UNC13A: variants seen among roughly 807,000 people sequenced by gnomAD.
UNC13A encodes the protein protein unc-13 homolog A.
Under a neutral mutation model 219.7 loss-of-function variants are expected in UNC13A, and 61 were observed. The observed-to-expected ratio is 0.28, with a 90% CI of 0.23 to 0.34. The LOEUF is 0.34. UNC13A is among the 10% of genes least tolerant of loss of function. UNC13A has a pLI of 1.00. For synonymous variants in UNC13A, 920 were observed against 884.6 expected (o/e 1.04, Z -0.71); for missense variants, 1,476 against 2,270.3 (o/e 0.65, Z 7.11).
chr19:17,679,801 C>A (rs1166419173), intron 1 of UNC13A, among the ~76,000 whole-genome samples: 1 of 152,126 alleles, frequency 6.6e-6, no homozygotes, highest in Non-Finnish European at 1.5e-5. Flanking sequence ...ACTGTCTCTG[C>A]CCTTCTTGTG....
At chr19:17,615,930 C>T (rs947857448) in intron 41 of UNC13A, among the ~76,000 whole-genome samples, 1 of 152,170 alleles carries the variant, frequency 6.6e-6, no homozygotes, top group African/African-American at 2.4e-5. Flanking sequence ...AGTGATTGCA[C>T]CACTGCATTC....
rs1174343973 is a variant in UNC13A at position 17,674,082 on chromosome 19, G to A, written c.152+575C>T. On this transcript the variant is annotated intron_variant, in intron 3 of 43. Coordinates refer to ENST00000519716, the MANE Select transcript of UNC13A (RefSeq NM_001080421.3). The surrounding 1 kb of genome is among the most constrained non-coding windows in gnomAD (Gnocchi z 5.0). The stretch of plus-strand genomic sequence containing the variant: ...GCATGATGCCCTGAAATTGTAGCTT[G>A]GAGGTAGTGGTCAGGGAGGGCTTCA... Among the ~76,000 whole-genome samples, 1 of 152,238 alleles carries A rather than the reference G, an allele frequency of 6.6e-6. No homozygotes were observed. The highest frequency in any genetic ancestry group is 1.9e-4 in the East Asian group (1 of 5,192).
chr19:17,668,079 A>G, intron 6 of UNC13A, 38 bp downstream of exon 6: 2 of 1,599,858 alleles, frequency 1.3e-6, no homozygotes, highest in East Asian at 2.2e-5. Context: ...AGAGACAGAA[A>G]CAAGGAAGAA....
chr19:17,647,082 T>G (rs1017989385), intron 17 of UNC13A, among the ~76,000 whole-genome samples, 183 bp downstream of exon 17: 2 of 152,180 alleles, frequency 1.3e-5, no homozygotes, highest in Non-Finnish European at 2.9e-5. Flanking sequence ...TACAGTGCCA[T>G]GAACAGGCGT....
At chr19:17,653,821 CTTTTTTTTTTTTTTT>C (rs57243215) in intron 11 of UNC13A, among the ~76,000 whole-genome samples, 1 of 78,256 alleles carries the variant, frequency 1.3e-5, no homozygotes, top group East Asian at 3.4e-4. Flanking sequence ...TATCACTTCT[CTTTTTTTTTTTTTTT>C]TTTTTTTTGA....
chr19:17,622,455 C>T (rs1205951159), intron 36 of UNC13A: 2 of 152,688 alleles, frequency 1.3e-5, no homozygotes, highest in African/African-American at 2.4e-5. Flanking sequence ...CCTTTATTCC[C>T]CCTGCCTACA....
At chr19:17,615,363 C>T (rs1179346962) in intron 41 of UNC13A, among the ~76,000 whole-genome samples, 1 of 152,046 alleles carries the variant, frequency 6.6e-6, no homozygotes, top group Non-Finnish European at 1.5e-5. Context: ...GCCTGGGTGA[C>T]AGCGTCTGCC....
chr19:17,639,804 G>A (rs749196805), intron 23 of UNC13A, 36 bp downstream of exon 23: 33 of 1,608,188 alleles, frequency 2.1e-5, no homozygotes, highest in South Asian at 1.3e-4. Flanking sequence ...ACACATGTGC[G>A]TGGGGTGAGC....
intron 30 of UNC13A, 21 bp from the exon 31 acceptor site, chr19:17,629,344 G>T: frequency 1.3e-6 from 2 of 1,599,938 alleles, no homozygotes; most frequent in South Asian, 2.3e-5. Context: ...CACAGAGTGT[G>T]GGTGAGAGGA....
intron 28 of UNC13A, among the ~76,000 whole-genome samples, chr19:17,632,365 G>A (rs2076865399): frequency 6.6e-6 from 1 of 152,090 alleles, no homozygotes; most frequent in Admixed American, 6.6e-5. Flanking sequence ...TTTTAGAGAT[G>A]GGATCTGACT....
intron 4 of UNC13A, among the ~76,000 whole-genome samples, chr19:17,670,582 C>T (rs577626996): frequency 2.0e-4 from 31 of 151,604 alleles, no homozygotes; most frequent in Non-Finnish European, 3.8e-4. Context: ...GCAACCATTT[C>T]GTCCCTCTGC....
intron 20 of UNC13A, 77 bp from the exon 21 acceptor site, chr19:17,641,633 G>A (rs1046956468): frequency 3.5e-6 from 5 of 1,434,040 alleles, no homozygotes; most frequent in Admixed American, 3.9e-5. Context: ...GTCTGGGGCA[G>A]CTTACATCAT....
chr19:17,615,618 G>A (rs1171518335), intron 41 of UNC13A, among the ~76,000 whole-genome samples: 2 of 152,102 alleles, frequency 1.3e-5, no homozygotes, highest in Non-Finnish European at 2.9e-5. Flanking sequence ...GGCGGACGGA[G>A]GTTGCAGTGA....
chr19:17,682,889 C>T (rs914221331), intron 1 of UNC13A, among the ~76,000 whole-genome samples: 2 of 151,962 alleles, frequency 1.3e-5, no homozygotes, highest in Admixed American at 1.3e-4. Context: ...CATGGTGAAA[C>T]CCCATCTCCA....
intron 23 of UNC13A, 100 bp downstream of exon 23, chr19:17,639,740 C>A: frequency 7.3e-7 from 1 of 1,379,222 alleles, no homozygotes; most frequent in East Asian, 2.3e-5. Context: ...ATCGTACATG[C>A]GAAGATGGGT....
intron 9 of UNC13A, 99 bp from the exon 10 acceptor site, chr19:17,656,497 A>G: frequency 8.2e-7 from 1 of 1,220,766 alleles, no homozygotes; most frequent in Non-Finnish European, 1.1e-6. Context: ...CTGAGCACCT[A>G]CGATGTGCCA....
intron 9 of UNC13A, among the ~76,000 whole-genome samples, chr19:17,657,579 C>T (rs916943111): frequency 7.2e-5 from 11 of 152,124 alleles, no homozygotes; most frequent in African/African-American, 2.2e-4. Context: ...TATCATTTCC[C>T]GATTAGATAC....
chr19:17,683,519 G>A (rs992426394), intron 1 of UNC13A, among the ~76,000 whole-genome samples: 1 of 151,704 alleles, frequency 6.6e-6, no homozygotes, highest in Non-Finnish European at 1.5e-5. Context: ...CTAGCTAGGT[G>A]TGGTAGCACG....
rs1283167409 is a variant in UNC13A, at chr19:17,646,053, G to C, written c.2103C>G (p.Val701=). 10 of 1,613,960 alleles carry C rather than the reference G, an allele frequency of 6.2e-6. No individual in the cohort carries two copies. Among genetic ancestry groups the C allele is most frequent in the Non-Finnish European group, 7.6e-6 (9 of 1,179,878 alleles). Reference sequence around the variant, plus strand: ...TCTTGGTCTTCCCGACCTGGACGGTGACATAGGGGTCACTGGATCCTGTCT... The same window carrying C: ...TCTTGGTCTTCCCGACCTGGACGGTCACATAGGGGTCACTGGATCCTGTCT... ...KDKTGSSDPY[V]TVQVGKTKKR... Residue 701 remains valine (V), a synonymous_variant, in exon 18 of 44, where the codon GTC becomes GTG. Transcript: ENST00000519716.
Sources: allele counts gnomAD v4.1 joint callset (sites outside exome capture counted in the v4.1 genomes callset), GRCh38; gene constraint gnomAD v4.1.1; non-coding constraint Gnocchi (gnomAD v3.1); transcripts MANE v1.5; gene names NCBI Gene and HGNC (gene_info 2026-07-23, HGNC 2026-07-21).